Variants in S100Z observed in about 807,000 individuals in gnomAD.
S100Z encodes S100 calcium binding protein Z, also known as protein S100-Z.
In S100Z, 11 loss-of-function variants were observed where a neutral mutation model predicts 8.5. The ratio of observed to expected loss-of-function variants is 1.30; its 90% confidence interval spans 0.82 to 2.15. The LOEUF (loss-of-function observed/expected upper bound fraction) is 2.15. Ranked by LOEUF, S100Z falls within the 30% of genes most tolerant of loss-of-function variation. The pLI, the probability that S100Z is intolerant of heterozygous loss-of-function variation, is 0.00. For missense variants in S100Z, 126 were observed against 117.9 expected, an observed-to-expected ratio of 1.07 and a Z score of -0.32; for synonymous variants, 34 against 43.8, an observed-to-expected ratio of 0.78 and a Z score of 0.89.
intron 4 of S100Z, among the ~76,000 whole-genome samples, chr5:76,882,421 G>C (rs1561234340): frequency 2.0e-5 from 3 of 152,288 alleles, no homozygotes; most frequent in Non-Finnish European, 4.4e-5. Flanking sequence ...GAGCTAGTGT[G>C]GGGGCAGCTT....
chr5:76,919,241 G>T (rs189682423), intron 4 of S100Z, among the ~76,000 whole-genome samples: 58 of 152,280 alleles, frequency 3.8e-4, no homozygotes, highest in African/African-American at 1.3e-3. Context: ...GTAAGAGCAT[G>T]TTCAGTTTTG....
chr5:76,870,597 A>G (rs529157101), intron 2 of S100Z, among the ~76,000 whole-genome samples: 1 of 152,020 alleles, frequency 6.6e-6, no homozygotes, highest in Admixed American at 6.6e-5. Context: ...TTAACTTTCT[A>G]AAAGCTTGAT....
At chr5:76,850,298 G>A (rs1401984718) in intron 1 of S100Z, 143 bp downstream of exon 1, 1 of 137,676 alleles carries the variant, frequency 7.3e-6, no homozygotes, top group East Asian at 2.5e-4. Flanking sequence ...TCTAAAATGT[G>A]GCCTTACCTT....
intron 4 of S100Z, among the ~76,000 whole-genome samples, chr5:76,917,814 C>T (rs529415249): frequency 5.4e-4 from 53 of 97,724 alleles, no homozygotes; most frequent in African/African-American, 2.7e-3. Flanking sequence ...CCGAGCAAGA[C>T]TGTCTCAAAA....
At chr5:76,853,872 G>A (rs1165094169) in intron 1 of S100Z, among the ~76,000 whole-genome samples, 4 of 152,064 alleles carry the variant, frequency 2.6e-5, no homozygotes, top group African/African-American at 9.7e-5. Flanking sequence ...TTATGGAGGT[G>A]TAGTTCTCAT....
intron 4 of S100Z, among the ~76,000 whole-genome samples, chr5:76,902,538 A>G (rs1744264566): frequency 6.6e-6 from 1 of 152,120 alleles, no homozygotes; most frequent in African/African-American, 2.4e-5. Flanking sequence ...TAATCTCTTC[A>G]GTGCCTCTTT....
intron 1 of S100Z, among the ~76,000 whole-genome samples, chr5:76,853,710 T>TC (rs1750796188): frequency 6.6e-6 from 1 of 151,898 alleles, no homozygotes; most frequent in African/African-American, 2.4e-5. Context: ...GGCAGGATAA[T>TC]TGCTTGAACC....
intron 1 of S100Z, among the ~76,000 whole-genome samples, chr5:76,864,013 T>C (rs1232101685): frequency 1.3e-5 from 2 of 152,234 alleles, no homozygotes; most frequent in Non-Finnish European, 2.9e-5. Context: ...TTAAATACTG[T>C]ATTATTACAA....
chr5:76,922,399 T>A (rs999048114), downstream of S100Z, among the ~76,000 whole-genome samples: 1 of 152,234 alleles, frequency 6.6e-6, no homozygotes, highest in African/African-American at 2.4e-5. Context: ...CCTGGGAAAC[T>A]TAATCTGCAA....
chr5:76,881,235 G>A (rs188226868), intron 4 of S100Z, among the ~76,000 whole-genome samples: 4 of 152,074 alleles, frequency 2.6e-5, no homozygotes, highest in African/African-American at 7.2e-5. Flanking sequence ...AATAAAGGCC[G>A]GTCTGTTATT....
At position 76,897,788 on chromosome 5, in the gene S100Z, G is replaced by A. The variant is rs574803218; in HGVS notation, c.*2+19954G>A. Among the ~76,000 whole-genome samples, 19 of 151,812 alleles carry A rather than the reference G, an allele frequency of 1.3e-4. 1 individual carries two copies. The highest frequency in any genetic ancestry group is 7.7e-4 in the East Asian group (4 of 5,162). ...TAAATTTCTTTTTTTTGCATTGTTC[G>A]CTGTTGGCATATACAAATGCTACTG... On this transcript the variant is annotated intron_variant, in intron 4 of 4. Coordinates refer to ENST00000317593, the MANE Select transcript of S100Z (RefSeq NM_130772.4).
At chr5:76,923,285 T>C (rs150742061), downstream of S100Z, among the ~76,000 whole-genome samples, 22 of 152,346 alleles carry the variant, frequency 1.4e-4, no homozygotes, top group East Asian at 4.2e-3. Context: ...GGTAGCCCTG[T>C]GGAAAGCTTC....
At chr5:76,860,622 CAG>C (rs1384478657) in intron 1 of S100Z, among the ~76,000 whole-genome samples, 4 of 152,052 alleles carry the variant, frequency 2.6e-5, no homozygotes, top group Admixed American at 1.3e-4. Flanking sequence ...TGAGGAGGGA[CAG>C]GGTAATGCTT....
the S100Z span, among the ~76,000 whole-genome samples, chr5:76,939,727 G>A: frequency 6.7e-6 from 1 of 150,240 alleles, no homozygotes; most frequent in African/African-American, 2.5e-5. Flanking sequence ...TGGCTAGGCC[G>A]GTCTTGAACT....
chr5:76,922,506 G>T (rs765764903), downstream of S100Z, among the ~76,000 whole-genome samples: 5 of 146,492 alleles, frequency 3.4e-5, no homozygotes, highest in African/African-American at 4.9e-5. Flanking sequence ...CCCATAAAGA[G>T]AGTTTTTTTG....
intron 4 of S100Z, among the ~76,000 whole-genome samples, chr5:76,900,099 C>T (rs529509748): frequency 1.6e-4 from 25 of 152,262 alleles, no homozygotes; most frequent in African/African-American, 5.8e-4. Context: ...GAAAAGTCTG[C>T]TGTCAGATGT....
intron 4 of S100Z, among the ~76,000 whole-genome samples, chr5:76,912,898 GA>G: frequency 6.6e-6 from 1 of 151,388 alleles, no homozygotes; most frequent in Non-Finnish European, 1.5e-5. Context: ...GAGAGAGAGA[GA>G]GGAGAAGAGA....
chr5:76,914,123 T>C (rs1263543843), intron 4 of S100Z, among the ~76,000 whole-genome samples: 1 of 152,156 alleles, frequency 6.6e-6, no homozygotes, highest in Non-Finnish European at 1.5e-5. Flanking sequence ...GCCCTTCCAC[T>C]GGCCTAAAGA....
At chr5:76,948,162 C>CAAAAA in the S100Z span, among the ~76,000 whole-genome samples, 2 of 151,728 alleles carry the variant, frequency 1.3e-5, no homozygotes, top group African/African-American at 4.9e-5. Flanking sequence ...CCCGTCTCTA[C>CAAAAA]TAAAAATACA....
Sources: gnomAD v4.1 joint callset for allele counts (sites outside exome capture counted in the v4.1 genomes callset) on GRCh38, gnomAD v4.1.1 for gene constraint, MANE v1.5 for transcripts, NCBI Gene and HGNC (gene_info 2026-07-23, HGNC 2026-07-21) for gene names.